WDR62: variants seen among roughly 807,000 people sequenced by gnomAD.
WDR62 encodes the protein WD repeat-containing protein 62.
Under a neutral mutation model 160.6 loss-of-function variants are expected in WDR62, and 112 were observed. The ratio of observed to expected loss-of-function variants is 0.70; its 90% confidence interval spans 0.60 to 0.82. WDR62 has a LOEUF of 0.82. Among genes scored for constraint, WDR62 ranks in the 40% least tolerant of loss-of-function variants. The pLI is 0.00. For missense variants in WDR62, 1,819 were observed against 1,983.8 expected, an observed-to-expected ratio of 0.92 and a Z score of 1.58; for synonymous variants, 792 against 815.1, an observed-to-expected ratio of 0.97 and a Z score of 0.48.
At chr19:36,080,522 G>C (rs1297993492) in intron 9 of WDR62, among the ~76,000 whole-genome samples, 1 of 151,662 alleles carries the variant, frequency 6.6e-6, no homozygotes, top group East Asian at 1.9e-4. Context: ...CGCCTCCCAG[G>C]TTCAAGCAAT....
chr19:36,063,421 G>A (rs1392940009), intron 3 of WDR62, among the ~76,000 whole-genome samples: 1 of 149,854 alleles, frequency 6.7e-6, no homozygotes, highest in Non-Finnish European at 1.5e-5. Flanking sequence ...GCTAATTTTT[G>A]TATTTTTTTT....
chr19:36,055,003 GGAACGATGCAGGGGA>G lies in WDR62; in HGVS notation c.36_50del (p.Asn12_Glu16del). 6.2e-7 allele frequency: 1 copy of G among 1,607,420 alleles called. No homozygotes were observed. Among genetic ancestry groups the G allele is most frequent in the Non-Finnish European group, 8.5e-7 (1 of 1,178,270 alleles). Reference sequence around the variant, plus strand: ...GCCGTAGGGTCCGGAGGCTATGCGCGGAACGATGCAGGGGAGAAGCTGCCCTCTGTCATGGCGGGA... The same window carrying G: ...GCCGTAGGGTCCGGAGGCTATGCGCGGAAGCTGCCCTCTGTCATGGCGGGA... On this transcript the variant is annotated inframe_deletion, in exon 1 of 32. Coordinates refer to ENST00000401500, the MANE Select transcript of WDR62 (RefSeq NM_001083961.2).
intron 25 of WDR62, 56 bp downstream of exon 25, chr19:36,101,830 G>A (rs146278028): frequency 4.5e-5 from 68 of 1,512,288 alleles, no homozygotes; most frequent in Middle Eastern, 3.5e-4. Flanking sequence ...CTTAGGGCCA[G>A]TCACAATGTC....
downstream of WDR62, among the ~76,000 whole-genome samples, chr19:36,110,075 C>CA (rs1248864979): frequency 1.3e-5 from 2 of 150,964 alleles, no homozygotes; most frequent in Non-Finnish European, 3.0e-5. Flanking sequence ...AATTAAAAAA[C>CA]AGAGCTTGGA....
intron 9 of WDR62, among the ~76,000 whole-genome samples, chr19:36,074,459 AG>A (rs1971471244): frequency 6.6e-6 from 1 of 152,148 alleles, no homozygotes; most frequent in Admixed American, 6.6e-5. Flanking sequence ...CAGGGGTTCG[AG>A]ATCAGCCTGG....
At chr19:36,072,065 G>A (rs1971330423) in intron 8 of WDR62, among the ~76,000 whole-genome samples, 1 of 152,242 alleles carries the variant, frequency 6.6e-6, no homozygotes, top group South Asian at 2.1e-4. Flanking sequence ...CCAGCCCTGG[G>A]CTGGAAGCAG....
chr19:36,055,166 A>G lies in WDR62; in HGVS notation c.177+18A>G. On this transcript the variant is annotated intron_variant, in intron 1 of 31. Coordinates refer to ENST00000401500, the MANE Select transcript of WDR62 (RefSeq NM_001083961.2). The stretch of plus-strand genomic sequence containing the variant: ...AGAACCGGGTGAGAAGCTGCTCGCC[A>G]TGTCTACCCCAGTTCCAGGCTTCCT... The G allele has an allele frequency of 1.2e-6, 2 of 1,601,704 alleles. No individual in the cohort carries two copies. The highest frequency in any genetic ancestry group is 1.1e-5 in the South Asian group (1 of 89,390).
chr19:36,081,770 C>T (rs985954340), intron 10 of WDR62, 200 bp downstream of exon 10: 26 of 722,308 alleles, frequency 3.6e-5, no homozygotes, highest in Admixed American at 8.1e-5. Flanking sequence ...GTGGCACGCT[C>T]TATCCTCTCT....
In WDR62 at chr19:36,100,828, C is replaced by T. The variant is rs371283046; in HGVS notation, c.2820C>T (p.Leu940=). 1 of 1,614,116 alleles carries T rather than the reference C, an allele frequency of 6.2e-7. No individual in the cohort carries two copies. Residue 940 remains leucine (L), a synonymous_variant, in exon 23 of 32, where the codon CTC becomes CTT. Coordinates refer to ENST00000401500, the MANE Select transcript of WDR62 (RefSeq NM_001083961.2). The part of the protein sequence containing the change: ...QQKESSEASE[L]ILYSLEAEVT... ...AGGAATCATCTGAGGCCAGTGAGCT[C>T]ATCCTCTACTCTCTGGAGGCAGAAG...
rs538890099 is a variant in WDR62 at position 36,069,522 on chromosome 19, G to C, written c.882+1512G>C. Among the ~76,000 whole-genome samples the C allele has an allele frequency of 2.0e-3, 304 of 152,032 alleles. 2 individuals carry two copies. The highest frequency in any genetic ancestry group is 6.8e-3 in the African/African-American group (280 of 41,476). On this transcript the variant is annotated intron_variant, in intron 7 of 31. Transcript: ENST00000401500. ...ACTTCCCAGATTGGGCAGCCGAGCA[G>C]AGGGGCTCCTCACATCCCAGACGAT... is the stretch of plus-strand genomic sequence containing the variant.
chr19:36,069,175 C>T (rs924404614), intron 7 of WDR62, among the ~76,000 whole-genome samples: 4 of 145,592 alleles, frequency 2.7e-5, no homozygotes, highest in African/African-American at 8.4e-5. Flanking sequence ...CGGGGGCTGA[C>T]CCCCACCTCC....
At chr19:36,062,069 C>A (rs1970678390) in intron 3 of WDR62, 1 of 152,134 alleles carries the variant, frequency 6.6e-6, no homozygotes, top group South Asian at 2.1e-4. Flanking sequence ...GCCTCAGCCC[C>A]CCAGGTGGCT....
In WDR62 at chr19:36,067,837, A is replaced by G; in HGVS notation, c.709A>G (p.Thr237Ala). 6.2e-7 allele frequency: 1 copy of G among 1,614,122 alleles called. No homozygotes were observed. The highest frequency in any genetic ancestry group is 8.5e-7 in the Non-Finnish European group (1 of 1,180,036). Residue 237 changes from threonine to alanine, a missense_variant, in exon 7 of 32, where the codon ACA (threonine) becomes GCA (alanine). This residue lies in a region of WDR62 where 934 missense variants were observed against 1,157.2 expected (regional missense o/e 0.81). Transcript: ENST00000401500. ...EVSTETKVTS[T>A]VPLVGRSGIL... Reference sequence around the variant, plus strand: ...CCCTCTGTGTCTCCAGGTGACGAGCACAGTGCCCCTTGTAGGGCGCTCGGG... The same window carrying G: ...CCCTCTGTGTCTCCAGGTGACGAGCGCAGTGCCCCTTGTAGGGCGCTCGGG...
intron 20 of WDR62, among the ~76,000 whole-genome samples, chr19:36,095,208 T>G (rs1039261413): frequency 6.6e-6 from 1 of 152,164 alleles, no homozygotes; most frequent in Non-Finnish European, 1.5e-5. Context: ...TTTTGTATCT[T>G]TTGGCTCTGC....
At chr19:36,104,435 A>C in intron 30 of WDR62, 83 bp from the exon 31 acceptor site, 1 of 1,551,290 alleles carries the variant, frequency 6.4e-7, no homozygotes, top group East Asian at 2.3e-5. Flanking sequence ...ACAGAAGTAC[A>C]GCATGGAGTC....
Position 36,104,771 on chromosome 19 carries a change from G to T in WDR62, c.4315G>T (p.Val1439Phe). The change falls in exon 32 of 32, where the codon GTC (valine) becomes TTC (phenylalanine). Residue 1439 changes from valine (V) to phenylalanine (F), a missense_variant. Physicochemically the swap from Val to Phe is conservative, Grantham distance 50. Coordinates refer to ENST00000401500, the MANE Select transcript of WDR62 (RefSeq NM_001083961.2). ...ACAAGGCTGGCATCCCTTGCAGTTG[G>T]TCTCCAGTGGCCAGGTGGACACCGG... is the stretch of plus-strand genomic sequence containing the variant. ...QEALDLYRVLVSSGQVDTGQQ... is the reference protein window; with the variant it reads ...QEALDLYRVLFSSGQVDTGQQ... 1.2e-6 allele frequency: 2 copies of T among 1,613,724 alleles called. No homozygotes were observed. Among genetic ancestry groups the T allele is most frequent in the Non-Finnish European group, 1.7e-6 (2 of 1,180,026 alleles).
At position 36,074,475 on chromosome 19, in the gene WDR62, C is replaced by A. The variant is rs1028129992; in HGVS notation, c.1233+944C>A. On this transcript the variant is annotated intron_variant, in intron 9 of 31. Transcript: ENST00000401500. The stretch of plus-strand genomic sequence containing the variant: ...AGGGGTTCGAGATCAGCCTGGGCAA[C>A]ATGAGGAAACCCCGGCTTTACAAAA... 2.8e-4 allele frequency among the ~76,000 whole-genome samples: 42 copies of A among 152,118 alleles called. 1 individual carries two copies. The highest frequency in any genetic ancestry group is 6.6e-4 in the Admixed American group (10 of 15,258).
chr19:36,102,165 T>C lies in WDR62; in HGVS notation c.3220+14T>C. ...CCCCCTGCAGAGGTAGGGCCCTGCC[T>C]CACCCACACCTGCCGAGGCCGTCTG... On this transcript the variant is annotated intron_variant, in intron 26 of 31. Transcript: ENST00000401500. 1 of 1,613,628 alleles carries C rather than the reference T, an allele frequency of 6.2e-7. No homozygotes were observed. Among genetic ancestry groups the C allele is most frequent in the Admixed American group, 1.7e-5 (1 of 60,026 alleles).
chr19:36,061,863 A>T (rs1179586125), intron 3 of WDR62: 1 of 152,228 alleles, frequency 6.6e-6, no homozygotes, highest in Non-Finnish European at 1.5e-5. Context: ...TTTTATATTG[A>T]AATAATTTCA....
Sources: gnomAD v4.1 joint callset for allele counts (sites outside exome capture counted in the v4.1 genomes callset) on GRCh38, gnomAD v4.1.1 for gene constraint, gnomAD v4.1.1 regional missense constraint, MANE v1.5 for transcripts, NCBI Gene and HGNC (gene_info 2026-07-23, HGNC 2026-07-21) for gene names.